Variants in KLF5 observed in about 807,000 individuals in gnomAD.
KLF5 encodes the protein Krueppel-like factor 5.
In KLF5, 9 loss-of-function variants were observed where a neutral mutation model predicts 36.9. That is an observed-to-expected ratio of 0.24 (90% CI 0.15 to 0.43). The LOEUF (loss-of-function observed/expected upper bound fraction) is 0.43. Among genes scored for constraint, KLF5 ranks in the 20% least tolerant of loss-of-function variants. The pLI is 1.00. For synonymous variants in KLF5, 246 were observed against 241.7 expected (o/e 1.02, Z -0.17); for missense variants, 524 against 599.5 (o/e 0.87, Z 1.31).
intron 3 of KLF5, among the ~76,000 whole-genome samples, chr13:73,072,398 G>A (rs565957196): frequency 6.6e-6 from 1 of 152,308 alleles, no homozygotes; most frequent in Non-Finnish European, 1.5e-5. Flanking sequence ...AGGCCCCACA[G>A]AGGCTGGCAC....
At chr13:73,073,463 AC>A (rs2044736679) in intron 3 of KLF5, among the ~76,000 whole-genome samples, 1 of 152,246 alleles carries the variant, frequency 6.6e-6, no homozygotes, top group South Asian at 2.1e-4. Context: ...AGTAAAGTAA[AC>A]TTTAAAAAAT....
At position 73,075,988 on chromosome 13, in the gene KLF5, C is replaced by A; in HGVS notation, c.*102C>A. 2 of 959,008 alleles carry A rather than the reference C, an allele frequency of 2.1e-6. No homozygotes were observed. The highest frequency in any genetic ancestry group is 2.9e-6 in the Non-Finnish European group (2 of 686,516). The allele number at this position is 959,008 out of a possible 1,614,324, so 59.4% of individuals were successfully genotyped here. A position where few individuals can be genotyped will look rare whatever the true frequency, so the allele number is the denominator to read the frequency against. On this transcript the variant is annotated 3_prime_UTR_variant, in exon 4 of 4. Coordinates refer to ENST00000377687, the MANE Select transcript of KLF5 (RefSeq NM_001730.5). Reference sequence around the variant, plus strand: ...ACAAAAACAAACAAAAGCAAGAAAACCACAACTAAAACTGGAAATGTATAT... The same window carrying A: ...ACAAAAACAAACAAAAGCAAGAAAAACACAACTAAAACTGGAAATGTATAT...
At chr13:73,070,320 G>GA (rs1216356983) in intron 3 of KLF5, among the ~76,000 whole-genome samples, 1 of 152,088 alleles carries the variant, frequency 6.6e-6, no homozygotes, top group Non-Finnish European at 1.5e-5. Flanking sequence ...TCCATACTGG[G>GA]AAAAAATGAA....
At chr13:73,060,451 AGG>A (rs1309876902) in intron 1 of KLF5, 1 of 152,206 alleles carries the variant, frequency 6.6e-6, no homozygotes, top group Non-Finnish European at 1.5e-5. Flanking sequence ...AGTGCACGAA[AGG>A]GTTTAGTTCA....
chr13:73,056,968 G>C (rs779615823), upstream of KLF5, among the ~76,000 whole-genome samples: 1 of 151,662 alleles, frequency 6.6e-6, no homozygotes, highest in Non-Finnish European at 1.5e-5. Context: ...TTTTGTAAAT[G>C]AAAGCATGTT....
intron 1 of KLF5, 146 bp downstream of exon 1, chr13:73,059,734 TG>T (rs1375409285): frequency 2.3e-4 from 167 of 735,544 alleles, no homozygotes; most frequent in Admixed American, 4.1e-4. Flanking sequence ...AGCCCCGCCC[TG>T]CACGCCTGGC....
chr13:73,061,784 T>C (rs2044636746), intron 1 of KLF5, 77 bp from the exon 2 acceptor site: 1 of 1,408,270 alleles, frequency 7.1e-7, no homozygotes, highest in East Asian at 2.3e-5. Flanking sequence ...GGGGAATTTT[T>C]AGTAGGCGCC....
chr13:73,070,612 G>A (rs914975819), intron 3 of KLF5, among the ~76,000 whole-genome samples: 1 of 152,148 alleles, frequency 6.6e-6, no homozygotes, highest in South Asian at 2.1e-4. Flanking sequence ...CCCTGACATC[G>A]TGATCCCACC....
chr13:73,068,646 G>A (rs1025686526), intron 3 of KLF5, among the ~76,000 whole-genome samples: 1 of 147,350 alleles, frequency 6.8e-6, no homozygotes, highest in Non-Finnish European at 1.5e-5. Flanking sequence ...GGAGGTTGCA[G>A]TGAGCTGAGA....
chr13:73,061,308 CAA>C (rs1309806840), intron 1 of KLF5, among the ~76,000 whole-genome samples: 1 of 151,984 alleles, frequency 6.6e-6, no homozygotes, highest in Non-Finnish European at 1.5e-5. Flanking sequence ...GAACTGTAAA[CAA>C]GAAAAGACAC....
upstream of KLF5, among the ~76,000 whole-genome samples, chr13:73,057,177 A>T (rs571231360): frequency 2.6e-5 from 4 of 152,338 alleles, no homozygotes; most frequent in African/African-American, 9.6e-5. Context: ...AAGTTACAAG[A>T]GCACAAAAGT....
Position 73,059,222 on chromosome 13 carries a change from C to T in KLF5, c.-106C>T. Reference sequence around the variant, plus strand: ...TGTCTGAGGAGTCCACCCGAAACCTCCCCTCCTCCGCCGGCAGCCCCGCGC... The same window carrying T: ...TGTCTGAGGAGTCCACCCGAAACCTTCCCTCCTCCGCCGGCAGCCCCGCGC... On this transcript the variant is annotated 5_prime_UTR_variant, in exon 1 of 4. Transcript: ENST00000377687. The T allele has an allele frequency of 8.9e-7, 1 of 1,129,890 alleles. No individual in the cohort carries two copies. The allele number at this position is 1,129,890 out of a possible 1,614,324, so 70.0% of individuals were successfully genotyped here. A position where few individuals can be genotyped will look rare whatever the true frequency, so the allele number is the denominator to read the frequency against.
chr13:73,062,609 C>T lies in KLF5; in HGVS notation c.1010C>T (p.Ala337Val), dbSNP rs568716981. ...GCTGCTACAATTGCTTCTAAACTGG[C>T]AATTCACAATCCAAATTTACCCACC... ...SYAATIASKL[A>V]IHNPNLPTTL... is the part of the protein sequence containing the mutation. Residue 337 changes from alanine (A) to valine (V), a missense_variant, in exon 2 of 4, where the codon GCA becomes GTA. This residue lies in a region of KLF5 where 454 missense variants were observed against 458.1 expected (regional missense o/e 0.99). Coordinates refer to ENST00000377687, the MANE Select transcript of KLF5 (RefSeq NM_001730.5). 3.1e-6 allele frequency: 5 copies of T among 1,614,206 alleles called. No individual in the cohort carries two copies. In the African/African-American group the frequency reaches 6.7e-5, roughly 22 times the overall value.
chr13:73,062,187 C>T lies in KLF5; in HGVS notation c.588C>T (p.His196=). The T allele has an allele frequency of 6.2e-7, 1 of 1,614,168 alleles. No homozygotes were observed. The highest frequency in any genetic ancestry group is 8.5e-7 in the Non-Finnish European group (1 of 1,180,016). The change falls in exon 2 of 4, where the codon CAC becomes CAT. Residue 196 remains histidine, a synonymous_variant. Coordinates refer to ENST00000377687, the MANE Select transcript of KLF5 (RefSeq NM_001730.5). ...AGTTCACCAGTATATTCAGCTCACA[C>T]CAGACCGCAGCTCCAGAGGTGAACA... ...LPEFTSIFSS[H]QTAAPEVNNI...
chr13:73,065,939 A>AT (rs1302820568), intron 3 of KLF5, among the ~76,000 whole-genome samples: 1 of 152,204 alleles, frequency 6.6e-6, no homozygotes, highest in Non-Finnish European at 1.5e-5. Context: ...CGGCAAATAC[A>AT]TTTAATCGTG....
At chr13:73,072,534 A>G (rs73220655) in intron 3 of KLF5, among the ~76,000 whole-genome samples, 37,053 of 152,162 alleles carry the variant, frequency 0.24, 5,845 homozygotes, top group Non-Finnish European at 0.33. Flanking sequence ...AACAATATGT[A>G]TGTGTTCCTT....
At chr13:73,068,322 T>C (rs1305928903) in intron 3 of KLF5, among the ~76,000 whole-genome samples, 3 of 152,236 alleles carry the variant, frequency 2.0e-5, no homozygotes, top group Non-Finnish European at 4.4e-5. Flanking sequence ...TAAGATGTTA[T>C]TAGTTATACT....
intron 2 of KLF5, 110 bp downstream of exon 2, chr13:73,062,844 G>T: frequency 1.2e-6 from 1 of 864,384 alleles, no homozygotes; most frequent in Non-Finnish European, 1.8e-6. Flanking sequence ...TCAACCTCAT[G>T]GCTTTAAATA....
rs1182864943 is a variant in KLF5 at position 73,075,966 on chromosome 13, A to AC, written c.*80_*81insC. Reference sequence around the variant, plus strand: ...TAACTATTCCTGTGTAAAAACAACAAAAACAAACAAAAGCAAGAAAACCAC... The same window carrying AC: ...TAACTATTCCTGTGTAAAAACAACAACAAACAAACAAAAGCAAGAAAACCAC... On this transcript the variant is annotated 3_prime_UTR_variant, in exon 4 of 4. Transcript: ENST00000377687. 7.1e-6 allele frequency: 8 copies of AC among 1,122,320 alleles called. No individual in the cohort carries two copies. In the African/African-American group the frequency reaches 1.7e-4, roughly 24 times the overall value. 69.5% of individuals were successfully genotyped at this position (1,122,320 alleles called of 1,614,324 possible). A position where few individuals can be genotyped will look rare whatever the true frequency, so the allele number is the denominator to read the frequency against.
Sources: allele counts gnomAD v4.1 joint callset (sites outside exome capture counted in the v4.1 genomes callset), GRCh38; gene constraint gnomAD v4.1.1; regional missense constraint gnomAD v4.1.1; transcripts MANE v1.5; gene names NCBI Gene and HGNC (gene_info 2026-07-23, HGNC 2026-07-21).